The following MARCHF1 variants were observed in gnomAD, a reference collection of about 807,000 sequenced individuals.
MARCHF1 encodes membrane associated ring-CH-type finger 1.
MARCHF1 carries 40 observed loss-of-function variants against 54.2 expected under a neutral mutation model. The observed-to-expected ratio is 0.74, with a 90% CI of 0.57 to 0.96. The LOEUF is 0.96. Ranked by LOEUF, MARCHF1 falls within the 40% of genes least tolerant of loss-of-function variation. The probability of loss-of-function intolerance (pLI) is 0.00; values close to 1 mark genes in which losing one functional copy is unlikely to be tolerated. For missense variants in MARCHF1, 586 were observed against 656.5 expected (o/e 0.89, Z 1.17); for synonymous variants, 236 against 236.3 (o/e 1.00, Z 0.01).
rs1055977545 is a variant in MARCHF1, at chr4:163,582,291, C to T, written c.1191+3458G>A. On this transcript the variant is annotated intron_variant, in intron 8 of 9. Transcript: ENST00000514618. ...TTAATGAGACTTTTATTAAGTATTC[C>T]AAAGGTAGCTGGGCTACTGACTTAA... Among the ~76,000 whole-genome samples the T allele has an allele frequency of 1.7e-4, 26 of 152,048 alleles. 1 individual carries two copies. Among genetic ancestry groups the T allele is most frequent in the Non-Finnish European group, 3.4e-4 (23 of 68,012 alleles).
chr4:163,736,965 C>T (rs1746052720), intron 4 of MARCHF1, among the ~76,000 whole-genome samples: 1 of 151,978 alleles, frequency 6.6e-6, no homozygotes, highest in Non-Finnish European at 1.5e-5. Flanking sequence ...ATGGCCCTAA[C>T]ACATTCAGGA....
intron 2 of MARCHF1, among the ~76,000 whole-genome samples, chr4:164,105,142 C>T (rs542265658): frequency 5.8e-5 from 6 of 102,762 alleles, no homozygotes; most frequent in African/African-American, 1.6e-4. Flanking sequence ...AAGAACATTC[C>T]ATGTTCATGG....
intron 5 of MARCHF1, among the ~76,000 whole-genome samples, chr4:163,656,226 C>T (rs1176746585): frequency 2.0e-5 from 3 of 151,588 alleles, no homozygotes; most frequent in Non-Finnish European, 1.5e-5. Flanking sequence ...AAGAGGATAT[C>T]ACCACTGATA....
chr4:164,124,197 A>G (rs1328908141), intron 1 of MARCHF1, among the ~76,000 whole-genome samples: 2 of 152,096 alleles, frequency 1.3e-5, no homozygotes, highest in South Asian at 2.1e-4. Flanking sequence ...CAAAATTACA[A>G]TGAAATATAA....
At chr4:163,628,915 G>C (rs541210299) in intron 5 of MARCHF1, among the ~76,000 whole-genome samples, 1 of 152,228 alleles carries the variant, frequency 6.6e-6, no homozygotes, top group East Asian at 1.9e-4. Flanking sequence ...ACAAACAAAT[G>C]GAAAAACATT....
At chr4:163,752,710 T>C (rs1209883889) in intron 4 of MARCHF1, among the ~76,000 whole-genome samples, 1 of 152,168 alleles carries the variant, frequency 6.6e-6, no homozygotes, top group Non-Finnish European at 1.5e-5. Flanking sequence ...ATAGTCTAAA[T>C]AGGTAATCAA....
chr4:163,578,355 A>G, intron 8 of MARCHF1, among the ~76,000 whole-genome samples: 1 of 152,164 alleles, frequency 6.6e-6, no homozygotes, highest in East Asian at 1.9e-4. Flanking sequence ...AGAAAGAAAC[A>G]GAATTAACAG....
chr4:164,015,455 A>T (rs1285443799), intron 2 of MARCHF1, among the ~76,000 whole-genome samples: 1 of 152,276 alleles, frequency 6.6e-6, no homozygotes, highest in East Asian at 1.9e-4. Context: ...TAGACAAATG[A>T]GATCACATCA....
chr4:163,576,039 C>T (rs914365849), intron 8 of MARCHF1, among the ~76,000 whole-genome samples: 1 of 151,696 alleles, frequency 6.6e-6, no homozygotes, highest in African/African-American at 2.4e-5. Flanking sequence ...TTCTTAATTT[C>T]ATTTAGGTCT....
chr4:164,193,777 GCA>G (rs1411848174), intron 1 of MARCHF1, among the ~76,000 whole-genome samples: 2 of 152,116 alleles, frequency 1.3e-5, no homozygotes, highest in African/African-American at 4.8e-5. Flanking sequence ...CAACAAGAAT[GCA>G]CAAAGATCTG....
intron 1 of MARCHF1, among the ~76,000 whole-genome samples, chr4:164,252,757 TA>T (rs1182741442): frequency 6.6e-6 from 1 of 151,986 alleles, no homozygotes; most frequent in Non-Finnish European, 1.5e-5. Context: ...AATGGTAATA[TA>T]AAAATCTAAC....
chr4:163,959,997 A>G (rs1205967350), intron 3 of MARCHF1, among the ~76,000 whole-genome samples: 1 of 152,094 alleles, frequency 6.6e-6, no homozygotes, highest in Non-Finnish European at 1.5e-5. Flanking sequence ...CGAGCAAAGG[A>G]CATGAACAGA....
At chr4:164,224,382 T>G (rs1016724701) in intron 1 of MARCHF1, among the ~76,000 whole-genome samples, 1 of 152,012 alleles carries the variant, frequency 6.6e-6, no homozygotes, top group East Asian at 1.9e-4. Flanking sequence ...AAATGGAGTT[T>G]TATATACTCT....
At chr4:164,295,541 A>C (rs1734389779) in intron 1 of MARCHF1, among the ~76,000 whole-genome samples, 1 of 152,188 alleles carries the variant, frequency 6.6e-6, no homozygotes, top group African/African-American at 2.4e-5. Flanking sequence ...GGAAGAATTA[A>C]ATCACAAGAT....
At chr4:163,740,063 T>C (rs913921453) in intron 4 of MARCHF1, among the ~76,000 whole-genome samples, 3 of 152,220 alleles carry the variant, frequency 2.0e-5, no homozygotes, top group African/African-American at 7.2e-5. Context: ...ACTGCATGAT[T>C]GAACTAAACT....
chr4:164,072,567 GAAAAT>G (rs774574871), intron 2 of MARCHF1, among the ~76,000 whole-genome samples: 2 of 151,588 alleles, frequency 1.3e-5, no homozygotes, highest in East Asian at 1.9e-4. Context: ...TCTTGAAGAA[GAAAAT>G]AAAATAAAAT....
At chr4:164,103,049 C>A (rs984115240) in intron 2 of MARCHF1, among the ~76,000 whole-genome samples, 9 of 109,514 alleles carry the variant, frequency 8.2e-5, no homozygotes, top group African/African-American at 3.1e-4. Context: ...GGGATCAATT[C>A]AACAAGAGGA....
intron 1 of MARCHF1, among the ~76,000 whole-genome samples, chr4:164,280,562 CA>C (rs1324875791): frequency 1.3e-5 from 2 of 151,978 alleles, no homozygotes; most frequent in East Asian, 3.8e-4. Flanking sequence ...AAATAAACTC[CA>C]GATGGATTAT....
chr4:163,819,755 A>G (rs1363241626), intron 4 of MARCHF1, among the ~76,000 whole-genome samples: 2 of 152,022 alleles, frequency 1.3e-5, no homozygotes, highest in Non-Finnish European at 2.9e-5. Flanking sequence ...CTTACAAACC[A>G]ACTTGCATAT....
Sources: gnomAD v4.1 joint callset for allele counts (sites outside exome capture counted in the v4.1 genomes callset) on GRCh38, gnomAD v4.1.1 for gene constraint, MANE v1.5 for transcripts, NCBI Gene and HGNC (gene_info 2026-07-23, HGNC 2026-07-21) for gene names.